The following TBL1X variants were observed in gnomAD, a reference collection of about 807,000 sequenced individuals.
TBL1X encodes transducin beta like 1 X-linked, also known as F-box-like/WD repeat-containing protein TBL1X.
In TBL1X, 10 loss-of-function variants were observed where a neutral mutation model predicts 50.7. That is an observed-to-expected ratio of 0.20 (90% CI 0.12 to 0.33). The LOEUF is 0.33. Among genes scored for constraint, TBL1X ranks in the 10% least tolerant of loss-of-function variants. The pLI is 1.00. For missense variants in TBL1X, 340 were observed against 504.4 expected, an observed-to-expected ratio of 0.67 and a Z score of 3.12; for synonymous variants, 190 against 214.7, an observed-to-expected ratio of 0.88 and a Z score of 1.01.
chrX:9,553,800 T>C (rs1265702469), intron 2 of TBL1X, among the ~76,000 whole-genome samples: 3 of 112,445 alleles, frequency 2.7e-5, no homozygotes, highest in African/African-American at 9.7e-5. Flanking sequence ...TTTATAATAA[T>C]GGTTCAGTCC....
chrX:9,574,702 A>C (rs1472118549), intron 2 of TBL1X, among the ~76,000 whole-genome samples: 1 of 110,562 alleles, frequency 9.0e-6, no homozygotes, highest in African/African-American at 3.3e-5. Context: ...GCACTGGGAC[A>C]CCATTCCCCT....
At chrX:9,558,335 T>G (rs2082309791) in intron 2 of TBL1X, among the ~76,000 whole-genome samples, 1 of 111,208 alleles carries the variant, frequency 9.0e-6, no homozygotes, top group Non-Finnish European at 1.9e-5. Context: ...CTGGCCAACA[T>G]GGCGAAACCC....
At chrX:9,680,121 C>T (rs1015760355) in intron 5 of TBL1X, among the ~76,000 whole-genome samples, 1 of 111,217 alleles carries the variant, frequency 9.0e-6, no homozygotes, top group African/African-American at 3.3e-5. Context: ...TATAGGGACA[C>T]TGATCCCATT....
intron 2 of TBL1X, among the ~76,000 whole-genome samples, chrX:9,512,397 T>C (rs1378830330): frequency 8.9e-6 from 1 of 111,940 alleles, no homozygotes; most frequent in African/African-American, 3.2e-5. Flanking sequence ...CCCCTGAGCT[T>C]AACTACCTGG....
chrX:9,706,530 A>C (rs1219105518), intron 13 of TBL1X, among the ~76,000 whole-genome samples: 1 of 111,155 alleles, frequency 9.0e-6, no homozygotes, highest in African/African-American at 3.3e-5. Flanking sequence ...AAACACCAGA[A>C]TCAATGACAG....
intron 2 of TBL1X, among the ~76,000 whole-genome samples, chrX:9,559,966 C>T (rs2082317371): frequency 9.0e-6 from 1 of 111,704 alleles, no homozygotes; most frequent in Non-Finnish European, 1.9e-5. Flanking sequence ...TAATAATGCC[C>T]TCCGGTTTAT....
Position 9,665,867 on chromosome X carries a change from GA to G in TBL1X, c.211+11547del, listed in dbSNP as rs764079953. On this transcript the variant is annotated intron_variant, in intron 5 of 17. Coordinates refer to ENST00000645353, the MANE Select transcript of TBL1X (RefSeq NM_005647.4). ...GGAGGTATCAGAAATTACTTTGCAG[GA>G]AGAAGAGCTTTTAGCCTGTGTGTGT... Among the ~76,000 whole-genome samples, 405 of 110,213 alleles carry G rather than the reference GA, an allele frequency of 3.7e-3. 2 individuals carry two copies. Among genetic ancestry groups the G allele is most frequent in the Non-Finnish European group, 4.8e-3 (253 of 52,788 alleles).
chrX:9,690,762 A>G (rs1005818164), intron 7 of TBL1X, among the ~76,000 whole-genome samples: 7 of 111,624 alleles, frequency 6.3e-5, no homozygotes, highest in Non-Finnish European at 1.1e-4. Context: ...ACAAAAAATA[A>G]CTGTCACCCA....
chrX:9,554,382 G>C, intron 2 of TBL1X, among the ~76,000 whole-genome samples: 1 of 112,295 alleles, frequency 8.9e-6, no homozygotes, highest in Non-Finnish European at 1.9e-5. Context: ...ATTGTAACAA[G>C]ACACATTTTA....
chrX:9,713,575 G>A (rs2083261638), intron 16 of TBL1X, among the ~76,000 whole-genome samples: 1 of 108,011 alleles, frequency 9.3e-6, no homozygotes, highest in Non-Finnish European at 1.9e-5. Flanking sequence ...TTACAGGTGC[G>A]CACCACCACA....
In TBL1X at chrX:9,707,167, G is replaced by T. The variant is rs111835573; in HGVS notation, c.1236+2053G>T. ...GGATGGTCACAGTCCCTGGAGATTT[G>T]CCATTGTGCCACTAACTTAACTGAT... is the stretch of plus-strand genomic sequence containing the variant. On this transcript the variant is annotated intron_variant, in intron 13 of 17. Transcript: ENST00000645353. Among the ~76,000 whole-genome samples the T allele has an allele frequency of 4.4e-3, 493 of 111,091 alleles. 4 individuals are homozygous for T. Among genetic ancestry groups the T allele is most frequent in the African/African-American group, 0.015 (467 of 30,493 alleles).
chrX:9,700,749 C>T (rs774505086), intron 12 of TBL1X, among the ~76,000 whole-genome samples: 3 of 111,227 alleles, frequency 2.7e-5, no homozygotes, highest in East Asian at 2.8e-4. Context: ...AGTAACACCT[C>T]GTGGGGGCGC....
At chrX:9,465,864 C>T (rs1473987584) in intron 1 of TBL1X, among the ~76,000 whole-genome samples, 3 of 113,040 alleles carry the variant, frequency 2.7e-5, no homozygotes, top group Non-Finnish European at 3.8e-5. Flanking sequence ...GGGTGGAGGG[C>T]GGTGGCGGGA....
At chrX:9,530,526 A>AT (rs1319243602) in intron 2 of TBL1X, among the ~76,000 whole-genome samples, 1 of 112,211 alleles carries the variant, frequency 8.9e-6, no homozygotes, top group East Asian at 2.8e-4. Context: ...CACATCACAC[A>AT]TTTTTATGTT....
At chrX:9,665,489 C>CCATATATATATA (rs1491466889) in intron 5 of TBL1X, among the ~76,000 whole-genome samples, 1 of 19,798 alleles carries the variant, frequency 5.1e-5, no homozygotes, top group African/African-American at 2.0e-4. Flanking sequence ...GATATTCAAG[C>CCATATATATATA]TATATATATA....
chrX:9,674,051 C>T (rs1190823714), intron 5 of TBL1X, among the ~76,000 whole-genome samples: 1 of 110,959 alleles, frequency 9.0e-6, no homozygotes, highest in Non-Finnish European at 1.9e-5. Flanking sequence ...GGGCAATGAG[C>T]GAAATTCTTT....
At chrX:9,487,844 C>T (rs1385287800) in intron 1 of TBL1X, among the ~76,000 whole-genome samples, 1 of 110,665 alleles carries the variant, frequency 9.0e-6, no homozygotes, top group African/African-American at 3.3e-5. Flanking sequence ...GCTTGCATTT[C>T]CCAAAGGGGT....
intron 2 of TBL1X, among the ~76,000 whole-genome samples, chrX:9,504,861 G>A (rs1463169175): frequency 4.5e-5 from 5 of 111,841 alleles, no homozygotes; most frequent in African/African-American, 1.6e-4. Context: ...GAGGTGGGGA[G>A]AATGGAAACA....
intron 1 of TBL1X, among the ~76,000 whole-genome samples, chrX:9,495,946 G>A (rs1053104459): frequency 8.9e-6 from 1 of 112,574 alleles, no homozygotes; most frequent in Non-Finnish European, 1.9e-5. Flanking sequence ...GACCATGAAA[G>A]CGCTGCAGGT....
Sources: gnomAD v4.1 joint callset for allele counts (sites outside exome capture counted in the v4.1 genomes callset) on GRCh38, gnomAD v4.1.1 for gene constraint, MANE v1.5 for transcripts, NCBI Gene and HGNC (gene_info 2026-07-23, HGNC 2026-07-21) for gene names.